The following SCN11A variants were observed in gnomAD, a reference collection of about 807,000 sequenced individuals.
SCN11A encodes sodium channel protein type 11 subunit alpha.
Under a neutral mutation model 162.2 loss-of-function variants are expected in SCN11A, and 122 were observed. The ratio of observed to expected loss-of-function variants is 0.75; its 90% CI spans 0.65 to 0.87. SCN11A has a LOEUF of 0.87. SCN11A is among the 40% of genes least tolerant of loss of function. The pLI is 0.00. For synonymous variants in SCN11A, 758 were observed against 751.5 expected (o/e 1.01, Z -0.14); for missense variants, 2,015 against 2,181.6 (o/e 0.92, Z 1.52).
intron 2 of SCN11A, among the ~76,000 whole-genome samples, chr3:38,979,434 G>A (rs2029926938): frequency 6.6e-6 from 1 of 152,172 alleles, no homozygotes; most frequent in African/African-American, 2.4e-5. Context: ...CACAAGTTTT[G>A]AGAGTCAGTG....
At chr3:38,970,775 G>A (rs2066811821) in intron 2 of SCN11A, among the ~76,000 whole-genome samples, 1 of 152,170 alleles carries the variant, frequency 6.6e-6, no homozygotes, top group African/African-American at 2.4e-5. Context: ...TCTGAGAAGA[G>A]GTCAGCACCA....
At chr3:38,896,146 T>C (rs2065593785) in intron 18 of SCN11A, among the ~76,000 whole-genome samples, 2 of 152,188 alleles carry the variant, frequency 1.3e-5, no homozygotes, top group African/African-American at 2.4e-5. Context: ...GTTTGTTCTC[T>C]CTTTTCACTC....
chr3:39,003,274 A>G (rs1258690231), intron 2 of SCN11A, among the ~76,000 whole-genome samples: 1 of 152,228 alleles, frequency 6.6e-6, no homozygotes, highest in Non-Finnish European at 1.5e-5. Flanking sequence ...AGGTGAGAAC[A>G]TGCAGTATTT....
intron 11 of SCN11A, among the ~76,000 whole-genome samples, chr3:38,910,699 C>G (rs2065875417): frequency 6.6e-6 from 1 of 152,090 alleles, no homozygotes; most frequent in African/African-American, 2.4e-5. Flanking sequence ...TATCACCATA[C>G]AGGGAGATAT....
intron 6 of SCN11A, among the ~76,000 whole-genome samples, chr3:38,946,111 CT>C (rs1277414437): frequency 1.3e-5 from 2 of 152,160 alleles, no homozygotes; most frequent in African/African-American, 4.8e-5. Flanking sequence ...TCCTACCTGC[CT>C]TTACATTTTA....
At position 38,921,135 on chromosome 3, in the gene SCN11A, C is replaced by A. The variant is rs142475124; in HGVS notation, c.833G>T (p.Ser278Ile). Reference sequence around the variant, plus strand: ...CCTCGAGATGCATTTCAGGTTCAGACTTCCCATGAAGAGCTGCTGACCTAC... The same window carrying A: ...CCTCGAGATGCATTTCAGGTTCAGAATTCCCATGAAGAGCTGCTGACCTAC... ...ALVGQQLFMG[S>I]LNLKCISRDC... is the part of the protein sequence containing the mutation. The change falls in exon 10 of 30, where the codon AGT becomes ATT. Residue 278 changes from serine (S) to isoleucine (I), a missense_variant. Coordinates refer to ENST00000302328, the MANE Select transcript of SCN11A (RefSeq NM_001349253.2). The A allele has an allele frequency of 4.3e-6, 7 of 1,613,994 alleles. No individual in the cohort carries two copies. Among genetic ancestry groups the A allele is most frequent in the Non-Finnish European group, 5.9e-6 (7 of 1,179,974 alleles).
rs1308268214 is a variant in SCN11A, at chr3:38,867,450, T to C, written c.3822A>G (p.Gln1274=). Residue 1274 remains glutamine, a synonymous_variant, in exon 27 of 30, where the codon CAA becomes CAG. Transcript: ENST00000302328. ...YAAVDSTEKE[Q]QPEFESNSLG... is the part of the protein sequence containing the mutation. ...GTGAATTGCTCTCAAACTCTGGCTG[T>C]TGTTCTTTCTGTTAGAAATTTTTTT... is the stretch of plus-strand genomic sequence containing the variant. The C allele has an allele frequency of 6.3e-7, 1 of 1,592,772 alleles. No homozygotes were observed. Among genetic ancestry groups the C allele is most frequent in the Non-Finnish European group, 8.5e-7 (1 of 1,174,242 alleles).
At chr3:39,022,759 T>C (rs938553457) in intron 2 of SCN11A, among the ~76,000 whole-genome samples, 1 of 152,018 alleles carries the variant, frequency 6.6e-6, no homozygotes, top group Admixed American at 6.6e-5. Context: ...TGCATGCCTG[T>C]AGTCCCAGCT....
At chr3:38,890,061 T>C (rs2065473519) in intron 19 of SCN11A, among the ~76,000 whole-genome samples, 1 of 151,904 alleles carries the variant, frequency 6.6e-6, no homozygotes, top group Non-Finnish European at 1.5e-5. Flanking sequence ...TTCTGGTGAG[T>C]GTGGCCAAAA....
At chr3:38,858,862 A>C (rs1053026319) in intron 28 of SCN11A, among the ~76,000 whole-genome samples, 3 of 152,186 alleles carry the variant, frequency 2.0e-5, no homozygotes, top group African/African-American at 4.8e-5. Context: ...AATTAACTCC[A>C]AAAGGAACCT....
intron 28 of SCN11A, among the ~76,000 whole-genome samples, chr3:38,854,677 A>G (rs192302160): frequency 2.9e-4 from 44 of 152,356 alleles, no homozygotes; most frequent in Admixed American, 1.9e-3. Flanking sequence ...CCAAAGTGTG[A>G]GTGAGAGGGG....
intron 7 of SCN11A, among the ~76,000 whole-genome samples, chr3:38,935,281 T>C (rs2066312114): frequency 6.6e-6 from 1 of 151,196 alleles, no homozygotes; most frequent in Non-Finnish European, 1.5e-5. Context: ...GCAGGAAAGA[T>C]CCAAAATTGA....
In SCN11A at chr3:38,846,840, A is replaced by C; in HGVS notation, c.5230T>G (p.Phe1744Val). 1 of 1,613,430 alleles carries C rather than the reference A, an allele frequency of 6.2e-7. No individual in the cohort carries two copies. Among genetic ancestry groups the C allele is most frequent in the Non-Finnish European group, 8.5e-7 (1 of 1,179,898 alleles). ...GTCACCTTCATCATGTACTTTCGAA[A>C]GGCCTTTTGAATAATAGCAGCACCT... is the stretch of plus-strand genomic sequence containing the variant. Reference protein sequence around the residue: ...ERGAAIIQKAFRKYMMKVTKG... With the variant: ...ERGAAIIQKAVRKYMMKVTKG... The change falls in exon 30 of 30, where the codon TTT becomes GTT. Residue 1744 changes from phenylalanine (F) to valine (V), a missense_variant. Phe to Val is a conservative substitution (Grantham distance 50). Transcript: ENST00000302328.
At chr3:38,883,467 G>A (rs2065344369) in intron 21 of SCN11A, 80 bp from the exon 22 acceptor site, 2 of 1,371,316 alleles carry the variant, frequency 1.5e-6, no homozygotes, top group Non-Finnish European at 1.0e-6. Context: ...CCCTTTCTGT[G>A]TTCATGCCCC....
chr3:38,987,272 G>C (rs1312899054), intron 2 of SCN11A, among the ~76,000 whole-genome samples: 2 of 134,824 alleles, frequency 1.5e-5, no homozygotes, highest in South Asian at 4.8e-4. Context: ...CTCCCTCCCA[G>C]TGCCTTTCTC....
At chr3:39,017,362 G>A (rs2031320307) in intron 2 of SCN11A, among the ~76,000 whole-genome samples, 1 of 152,184 alleles carries the variant, frequency 6.6e-6, no homozygotes, top group Non-Finnish European at 1.5e-5. Flanking sequence ...GCTGACCAAG[G>A]CAACTATTTT....
At chr3:39,022,927 T>C (rs893952207) in intron 2 of SCN11A, among the ~76,000 whole-genome samples, 3 of 152,120 alleles carry the variant, frequency 2.0e-5, no homozygotes, top group South Asian at 2.1e-4. Context: ...TATTAAATAA[T>C]GGCATTTGTG....
intron 1 of SCN11A, among the ~76,000 whole-genome samples, chr3:39,049,931 A>G (rs988606461): frequency 2.6e-5 from 4 of 152,198 alleles, no homozygotes; most frequent in Admixed American, 1.3e-4. Flanking sequence ...CTGCCCACTG[A>G]AAGAACTTCA....
At chr3:38,852,417 A>G (rs1001776559) in intron 28 of SCN11A, among the ~76,000 whole-genome samples, 2 of 152,210 alleles carry the variant, frequency 1.3e-5, no homozygotes, top group Admixed American at 1.3e-4. Flanking sequence ...TATTGGTTTT[A>G]TAGTTAACTC....
Sources: gnomAD v4.1 joint callset for allele counts (sites outside exome capture counted in the v4.1 genomes callset) on GRCh38, gnomAD v4.1.1 for gene constraint, MANE v1.5 for transcripts, NCBI Gene and HGNC (gene_info 2026-07-23, HGNC 2026-07-21) for gene names.